The following C1QTNF7 variants were observed in gnomAD, a reference collection of about 807,000 sequenced individuals.
C1QTNF7 encodes the protein C1q and TNF related 7, also known as complement C1q tumor necrosis factor-related protein 7.
Under a neutral mutation model 19.6 loss-of-function variants are expected in C1QTNF7, and 15 were observed. The observed-to-expected ratio is 0.76, with a 90% CI of 0.51 to 1.18. C1QTNF7 has a LOEUF of 1.18. Among genes scored for constraint, C1QTNF7 ranks in the 50% most tolerant of loss-of-function variants. The pLI is 0.00. For missense variants in C1QTNF7, 324 were observed against 359.7 expected (o/e 0.90, Z 0.80); for synonymous variants, 142 against 137.5 (o/e 1.03, Z -0.23).
chr4:15,408,733 A>AG (rs1719295963), intron 1 of C1QTNF7, among the ~76,000 whole-genome samples: 1 of 151,768 alleles, frequency 6.6e-6, no homozygotes, highest in Non-Finnish European at 1.5e-5. Flanking sequence ...AGACTATCTC[A>AG]TAGTCTGAAA....
intron 1 of C1QTNF7, chr4:15,381,643 A>G (rs1718145839): frequency 6.6e-6 from 1 of 152,148 alleles, no homozygotes; most frequent in South Asian, 2.1e-4. Flanking sequence ...TACCCATAGA[A>G]TTTCTTTATA....
chr4:15,408,648 C>G (rs1719291333), intron 1 of C1QTNF7, among the ~76,000 whole-genome samples: 1 of 152,066 alleles, frequency 6.6e-6, no homozygotes, highest in Non-Finnish European at 1.5e-5. Flanking sequence ...TGTTAACACT[C>G]CCTCCATCTC....
chr4:15,395,483 C>T (rs183111995), intron 1 of C1QTNF7, among the ~76,000 whole-genome samples: 5 of 152,302 alleles, frequency 3.3e-5, no homozygotes, highest in Non-Finnish European at 5.9e-5. Flanking sequence ...ATAGTTAATA[C>T]AACTGGCCCT....
exon 1 of C1QTNF7, chr4:15,340,086 T>C (rs1716486689): frequency 7.8e-7 from 1 of 1,286,766 alleles, no homozygotes; most frequent in African/African-American, 1.5e-5. Context: ...TGGAGTAGCT[T>C]CGAATAATAA....
At chr4:15,354,136 C>T (rs974814829) in intron 1 of C1QTNF7, among the ~76,000 whole-genome samples, 1 of 152,064 alleles carries the variant, frequency 6.6e-6, no homozygotes, top group African/African-American at 2.4e-5. Flanking sequence ...AGAGGTCTCA[C>T]ACTTCATGGG....
At chr4:15,377,176 T>C (rs1369131416) in intron 1 of C1QTNF7, among the ~76,000 whole-genome samples, 1 of 152,244 alleles carries the variant, frequency 6.6e-6, no homozygotes, top group Non-Finnish European at 1.5e-5. Flanking sequence ...GAAATTGTTA[T>C]ATCCAATATG....
chr4:15,361,249 C>A (rs1238816574), intron 1 of C1QTNF7: 1 of 151,928 alleles, frequency 6.6e-6, no homozygotes, highest in Non-Finnish European at 1.5e-5. Context: ...AATTTATACC[C>A]CTGTTTTCCA....
At chr4:15,419,795 A>G (rs1711661898) in intron 1 of C1QTNF7, 1 of 152,184 alleles carries the variant, frequency 6.6e-6, no homozygotes, top group African/African-American at 2.4e-5. Flanking sequence ...AGGAAATCAC[A>G]TACATATATG....
intron 1 of C1QTNF7, among the ~76,000 whole-genome samples, chr4:15,434,111 T>C (rs1712434083): frequency 1.3e-5 from 2 of 151,942 alleles, no homozygotes; most frequent in African/African-American, 4.8e-5. Context: ...TTGTGCTGTA[T>C]GACAAGGGCA....
At chr4:15,385,395 C>G (rs1392724365) in intron 1 of C1QTNF7, among the ~76,000 whole-genome samples, 1 of 152,164 alleles carries the variant, frequency 6.6e-6, no homozygotes. Context: ...AATGTTGGAG[C>G]AGAGATATAA....
At chr4:15,355,214 T>G (rs533946664) in intron 1 of C1QTNF7, among the ~76,000 whole-genome samples, 5 of 152,170 alleles carry the variant, frequency 3.3e-5, no homozygotes, top group African/African-American at 1.2e-4. Flanking sequence ...CGTAAATCAA[T>G]GCTGGCAGAG....
At chr4:15,378,125 G>A (rs1718009131) in intron 1 of C1QTNF7, among the ~76,000 whole-genome samples, 1 of 152,186 alleles carries the variant, frequency 6.6e-6, no homozygotes, top group African/African-American at 2.4e-5. Context: ...TAGGTGCCAG[G>A]AAGGAGCTAA....
At chr4:15,437,621 G>A (rs971537685) in intron 2 of C1QTNF7, among the ~76,000 whole-genome samples, 1 of 152,054 alleles carries the variant, frequency 6.6e-6, no homozygotes, top group Non-Finnish European at 1.5e-5. Flanking sequence ...CATATATGAG[G>A]CTAACTATAC....
intron 1 of C1QTNF7, among the ~76,000 whole-genome samples, chr4:15,372,229 G>T (rs1227823727): frequency 6.6e-6 from 1 of 152,146 alleles, no homozygotes; most frequent in African/African-American, 2.4e-5. Flanking sequence ...CCCTATTACG[G>T]CTTTATCAGG....
intron 1 of C1QTNF7, among the ~76,000 whole-genome samples, chr4:15,345,877 G>T (rs938481838): frequency 6.6e-6 from 1 of 152,174 alleles, no homozygotes; most frequent in Non-Finnish European, 1.5e-5. Flanking sequence ...TTTAGATGAG[G>T]AGAGGTAAGT....
At chr4:15,436,051 T>C in intron 2 of C1QTNF7, 70 bp downstream of exon 2, 12 of 1,539,404 alleles carry the variant, frequency 7.8e-6, no homozygotes, top group Non-Finnish European at 1.0e-5. Context: ...CTTTCTTTGT[T>C]ACTTTTTCTA....
intron 1 of C1QTNF7, among the ~76,000 whole-genome samples, chr4:15,366,818 A>G (rs545733783): frequency 3.3e-5 from 5 of 152,328 alleles, no homozygotes; most frequent in Non-Finnish European, 1.5e-5. Flanking sequence ...TGAGAGCTTC[A>G]TTGTTGATTA....
chr4:15,348,027 C>A (rs952569304), intron 1 of C1QTNF7, among the ~76,000 whole-genome samples: 5 of 152,102 alleles, frequency 3.3e-5, no homozygotes, highest in Admixed American at 1.3e-4. Context: ...ATCTGCTCCA[C>A]TGGACTCACT....
chr4:15,339,915 T>G (rs982420154), upstream of C1QTNF7: 1 of 554,442 alleles, frequency 1.8e-6, no homozygotes, highest in African/African-American at 1.9e-5. Flanking sequence ...TGCTTTAAAT[T>G]ATAGAAGTTG....
Sources: gnomAD v4.1 joint callset for allele counts (sites outside exome capture counted in the v4.1 genomes callset) on GRCh38, gnomAD v4.1.1 for gene constraint, MANE v1.5 for transcripts, NCBI Gene and HGNC (gene_info 2026-07-23, HGNC 2026-07-21) for gene names.